The following KMT2C variants were observed in gnomAD, a reference collection of about 807,000 sequenced individuals.
KMT2C encodes the protein lysine methyltransferase 2C, also known as histone-lysine N-methyltransferase 2C.
A neutral mutation model predicts 507.9 loss-of-function variants in KMT2C; 88 were observed. The observed-to-expected ratio is 0.17, with a 90% CI of 0.15 to 0.21. KMT2C has a LOEUF of 0.21. KMT2C is among the 10% of genes least tolerant of loss of function. The probability of loss-of-function intolerance (pLI) is 1.00; values close to 1 mark genes in which losing one functional copy is unlikely to be tolerated. For missense variants in KMT2C, 4,954 were observed against 5,957.8 expected, an observed-to-expected ratio of 0.83 and a Z score of 5.55; for synonymous variants, 2,049 against 2,080.8, an observed-to-expected ratio of 0.98 and a Z score of 0.42.
intron 1 of KMT2C, among the ~76,000 whole-genome samples, chr7:152,426,268 C>T (rs926132017): frequency 5.2e-5 from 7 of 133,720 alleles, no homozygotes; most frequent in Admixed American, 8.6e-5. Context: ...GATAGGGTCT[C>T]GCTCTGTCAC....
In KMT2C at chr7:152,192,058, A is replaced by T. The variant is rs372203590; in HGVS notation, c.4660+1951T>A. On this transcript the variant is annotated intron_variant, in intron 31 of 58. Coordinates refer to ENST00000262189, the MANE Select transcript of KMT2C (RefSeq NM_170606.3). ...AAAAGAAAAAAAAAAAAAGAAAAAG[A>T]AGTCATCCTCCCAAGACCTTTTAAA... is the stretch of plus-strand genomic sequence containing the variant. 3.9e-5 allele frequency among the ~76,000 whole-genome samples: 6 copies of T among 152,068 alleles called. No individual in the cohort carries two copies. The East Asian group carries it at 1.2e-3, about 29-fold the overall frequency.
chr7:152,424,859 ATCATC>A (rs1479212120), intron 1 of KMT2C, among the ~76,000 whole-genome samples: 1 of 152,172 alleles, frequency 6.6e-6, no homozygotes, highest in Non-Finnish European at 1.5e-5. Flanking sequence ...TCCTCTCCAC[ATCATC>A]TCTCCAGCAA....
At chr7:152,223,268 T>C (rs1319119404) in intron 20 of KMT2C, among the ~76,000 whole-genome samples, 2 of 152,284 alleles carry the variant, frequency 1.3e-5, no homozygotes, top group African/African-American at 4.8e-5. Context: ...TTCTTGATTA[T>C]GAAATTCCAC....
intron 42 of KMT2C, among the ~76,000 whole-genome samples, chr7:152,164,530 C>A (rs972346153): frequency 6.6e-6 from 1 of 152,080 alleles, no homozygotes; most frequent in South Asian, 2.1e-4. Context: ...ACCTCGTGAT[C>A]CGCCCGCCTC....
At chr7:152,170,416 T>C (rs2092911227) in intron 40 of KMT2C, among the ~76,000 whole-genome samples, 2 of 152,200 alleles carry the variant, frequency 1.3e-5, no homozygotes, top group South Asian at 4.1e-4. Context: ...CAGATACTGC[T>C]TGATATTATA....
At chr7:152,328,711 T>C (rs1300397693) in intron 3 of KMT2C, among the ~76,000 whole-genome samples, 1 of 152,106 alleles carries the variant, frequency 6.6e-6, no homozygotes, top group Non-Finnish European at 1.5e-5. Context: ...CTACTACAAC[T>C]TCCAAAGGAT....
chr7:152,413,508 G>C (rs1318124266), intron 1 of KMT2C, among the ~76,000 whole-genome samples: 1 of 152,134 alleles, frequency 6.6e-6, no homozygotes, highest in Admixed American at 6.6e-5. Context: ...CAACTTTCTA[G>C]TTTTTATTTC....
chr7:152,290,022 C>A (rs1588943951), intron 6 of KMT2C, among the ~76,000 whole-genome samples: 2 of 151,736 alleles, frequency 1.3e-5, no homozygotes, highest in East Asian at 1.9e-4. Flanking sequence ...GCCTGGGCAA[C>A]AGAGTGAGAT....
chr7:152,331,221 T>C (rs137900916), intron 2 of KMT2C, among the ~76,000 whole-genome samples: 1,625 of 152,018 alleles, frequency 0.011, 19 homozygotes, highest in Middle Eastern at 0.041. Flanking sequence ...GATGGAAGGA[T>C]ATGCCTTGAA....
chr7:152,316,022 T>C (rs1052270790), intron 3 of KMT2C, among the ~76,000 whole-genome samples: 1 of 152,150 alleles, frequency 6.6e-6, no homozygotes, highest in African/African-American at 2.4e-5. Flanking sequence ...ATTTAACCAC[T>C]TGATAGAACG....
At chr7:152,203,301 C>T (rs574881785) in intron 25 of KMT2C, among the ~76,000 whole-genome samples, 10 of 151,500 alleles carry the variant, frequency 6.6e-5, no homozygotes, top group Admixed American at 3.3e-4. Context: ...AAAGCAAAAA[C>T]GTATTTATTT....
chr7:152,384,517 T>C (rs1332057698), intron 1 of KMT2C, among the ~76,000 whole-genome samples: 1 of 132,900 alleles, frequency 7.5e-6, no homozygotes, highest in Non-Finnish European at 1.6e-5. Flanking sequence ...TCAAGCTAAA[T>C]GCCTCTGCTA....
In KMT2C at chr7:152,322,728, C is replaced by G. The variant is rs565060572; in HGVS notation, c.390-7390G>C. Among the ~76,000 whole-genome samples the G allele has an allele frequency of 2.3e-4, 35 of 151,904 alleles. 1 individual carries two copies. In the East Asian group the frequency reaches 3.1e-3, roughly 13 times the overall value. On this transcript the variant is annotated intron_variant, in intron 3 of 58. Transcript: ENST00000262189. ...GATGGCTAAACCACCAAGCTCCTTA[C>G]GGCAAATGAAAATATTAACAAAGTA...
At chr7:152,186,124 T>C (rs903170743) in intron 33 of KMT2C, among the ~76,000 whole-genome samples, 4 of 152,228 alleles carry the variant, frequency 2.6e-5, no homozygotes, top group Admixed American at 6.5e-5. Flanking sequence ...GTATACAAAA[T>C]GAAGAAGCCT....
chr7:152,349,075 A>G (rs932201555), intron 2 of KMT2C, among the ~76,000 whole-genome samples: 10 of 152,204 alleles, frequency 6.6e-5, no homozygotes, highest in Admixed American at 1.3e-4. Flanking sequence ...CAGTAGGCAA[A>G]TGGATAAACT....
At chr7:152,325,302 C>T (rs2096817136) in intron 3 of KMT2C, among the ~76,000 whole-genome samples, 1 of 151,788 alleles carries the variant, frequency 6.6e-6, no homozygotes, top group Admixed American at 6.6e-5. Flanking sequence ...GTGCCCACCA[C>T]CACGCCCAGC....
chr7:152,425,129 A>C (rs889653049), intron 1 of KMT2C, among the ~76,000 whole-genome samples: 2 of 152,200 alleles, frequency 1.3e-5, no homozygotes, highest in African/African-American at 4.8e-5. Flanking sequence ...ATTTACTGTA[A>C]AAGTAACACC....
chr7:152,164,892 A>T (rs2092662128), intron 42 of KMT2C, among the ~76,000 whole-genome samples: 1 of 152,210 alleles, frequency 6.6e-6, no homozygotes, highest in Non-Finnish European at 1.5e-5. Flanking sequence ...CATCTCATTC[A>T]GCAAGCTAGG....
intron 1 of KMT2C, among the ~76,000 whole-genome samples, chr7:152,433,249 AAAG>A (rs2097881885): frequency 6.6e-6 from 1 of 152,212 alleles, no homozygotes; most frequent in South Asian, 2.1e-4. Context: ...GAGATTTAGC[AAAG>A]AAGATTAATT....
Sources: allele counts gnomAD v4.1 joint callset (sites outside exome capture counted in the v4.1 genomes callset), GRCh38; gene constraint gnomAD v4.1.1; transcripts MANE v1.5; gene names NCBI Gene and HGNC (gene_info 2026-07-23, HGNC 2026-07-21).